Variants in RNF144B observed in about 807,000 individuals in gnomAD.
RNF144B encodes ring finger protein 144B.
Under a neutral mutation model 40.2 loss-of-function variants are expected in RNF144B, and 25 were observed. That is an observed-to-expected ratio of 0.62 (90% confidence interval 0.45 to 0.87). RNF144B has a LOEUF of 0.87. Ranked by LOEUF, RNF144B falls within the 40% of genes least tolerant of loss-of-function variation. RNF144B has a pLI of 0.00. For synonymous variants in RNF144B, 145 were observed against 136.3 expected (o/e 1.06, Z -0.44); for missense variants, 365 against 373.7 (o/e 0.98, Z 0.19).
intron 3 of RNF144B, among the ~76,000 whole-genome samples, chr6:18,437,318 A>G (rs1218107827): frequency 6.6e-6 from 1 of 152,152 alleles, no homozygotes. Context: ...GCATGCCTGT[A>G]GTCTCAGCTA....
chr6:18,447,916 C>T lies in RNF144B; in HGVS notation c.331+8172C>T, dbSNP rs1315038542. 6.6e-6 allele frequency among the ~76,000 whole-genome samples: 1 copy of T among 152,046 alleles called. No individual in the cohort carries two copies. The highest frequency in any genetic ancestry group is 1.5e-5 in the Non-Finnish European group (1 of 67,986). ...CAAAGGATGGCCAGAAATATGAATC[C>T]AGAAGGTGGGTGAAGACAGTGTTTA... On this transcript the variant is annotated intron_variant, in intron 4 of 7. Transcript: ENST00000259939. This position sits in a 1 kb window ranked among gnomAD's most constrained non-coding sequence, Gnocchi z 5.6.
At position 18,447,544 on chromosome 6, in the gene RNF144B, A is replaced by C. The variant is rs1156285413; in HGVS notation, c.331+7800A>C. Reference sequence around the variant, plus strand: ...TCGCTGCTGCAGAAGAGTGGATGGTAATGGAATGACATGGCAGCAGGGAGA... The same window carrying C: ...TCGCTGCTGCAGAAGAGTGGATGGTCATGGAATGACATGGCAGCAGGGAGA... On this transcript the variant is annotated intron_variant, in intron 4 of 7. Transcript: ENST00000259939. The surrounding 1 kb of genome is among the most constrained non-coding windows in gnomAD (Gnocchi z 5.6). 6.6e-6 allele frequency among the ~76,000 whole-genome samples: 1 copy of C among 152,134 alleles called. No individual in the cohort carries two copies. The highest frequency in any genetic ancestry group is 1.5e-5 in the Non-Finnish European group (1 of 68,028).
chr6:18,396,431 G>A, intron 1 of RNF144B: 2 of 982,128 alleles, frequency 2.0e-6, no homozygotes, highest in Non-Finnish European at 2.4e-6. Flanking sequence ...ATAATATAGA[G>A]TAAGACTGAG....
intron 3 of RNF144B, among the ~76,000 whole-genome samples, chr6:18,437,132 T>C (rs1402888274): frequency 6.6e-6 from 1 of 152,134 alleles, no homozygotes; most frequent in African/African-American, 2.4e-5. Context: ...TGGTAAGCTG[T>C]CAACAAATAT....
At chr6:18,421,798 G>A (rs935110072) in intron 2 of RNF144B, among the ~76,000 whole-genome samples, 2 of 152,150 alleles carry the variant, frequency 1.3e-5, no homozygotes, top group African/African-American at 4.8e-5. Flanking sequence ...GAGGGCAGAC[G>A]GGCTGGGTGT....
chr6:18,454,707 T>C (rs1350377928), intron 4 of RNF144B, among the ~76,000 whole-genome samples: 1 of 152,120 alleles, frequency 6.6e-6, no homozygotes, highest in African/African-American at 2.4e-5. Flanking sequence ...TAAGGTCCTT[T>C]CTTTATAGTA....
chr6:18,430,502 CTCTCTT>C (rs1189496131), intron 3 of RNF144B, among the ~76,000 whole-genome samples: 5 of 151,938 alleles, frequency 3.3e-5, no homozygotes, highest in African/African-American at 1.2e-4. Flanking sequence ...CTCTCTCTCT[CTCTCTT>C]TTTTAAAACC....
At chr6:18,429,586 C>T (rs1435489855) in intron 3 of RNF144B, among the ~76,000 whole-genome samples, 5 of 134,874 alleles carry the variant, frequency 3.7e-5, no homozygotes, top group African/African-American at 1.2e-4. Context: ...AAGGTAATAT[C>T]GAGTATGTAA....
rs1420992671 is a variant in RNF144B at position 18,412,147 on chromosome 6, C to G, written c.165+12448C>G. On this transcript the variant is annotated intron_variant, in intron 2 of 7. Transcript: ENST00000259939. The surrounding 1 kb of genome is among the most constrained non-coding windows in gnomAD (Gnocchi z 4.2). ...GAATTGCCTAACCAAAATAGATGTA[C>G]ATTTTAAATCAGTATGTGTTACCAA... 6.6e-6 allele frequency among the ~76,000 whole-genome samples: 1 copy of G among 152,154 alleles called. No homozygotes were observed. Among genetic ancestry groups the G allele is most frequent in the Non-Finnish European group, 1.5e-5 (1 of 68,034 alleles).
At chr6:18,461,919 T>G (rs1759464237) in intron 6 of RNF144B, among the ~76,000 whole-genome samples, 1 of 152,146 alleles carries the variant, frequency 6.6e-6, no homozygotes, top group Non-Finnish European at 1.5e-5. Flanking sequence ...CTGCCTTGAT[T>G]CTCACCCCTG....
Position 18,444,785 on chromosome 6 carries a change from AG to A in RNF144B, c.331+5043del, listed in dbSNP as rs1759040968. ...ATGTATTGCGTGTCTATCCTATGCC[AG>A]GTGCCATTCCAATGCTTCTTCAAGC... On this transcript the variant is annotated intron_variant, in intron 4 of 7. Transcript: ENST00000259939. The surrounding 1 kb of genome is among the most constrained non-coding windows in gnomAD (Gnocchi z 4.3). 6.6e-6 allele frequency among the ~76,000 whole-genome samples: 1 copy of A among 152,200 alleles called. No individual in the cohort carries two copies. The highest frequency in any genetic ancestry group is 2.4e-5 in the African/African-American group (1 of 41,450).
intron 4 of RNF144B, among the ~76,000 whole-genome samples, chr6:18,454,109 G>A (rs1387477228): frequency 6.6e-6 from 1 of 152,170 alleles, no homozygotes; most frequent in Non-Finnish European, 1.5e-5. Context: ...CTGCAAGATT[G>A]TTTTGATGAT....
rs7452358 is a variant in RNF144B, at chr6:18,448,290, T to C, written c.331+8546T>C. 0.12 allele frequency among the ~76,000 whole-genome samples: 18,963 copies of C among 151,784 alleles called. 1,356 individuals are homozygous for C. The highest frequency in any genetic ancestry group is 0.19 in the Admixed American group (2,948 of 15,250). Reference sequence around the variant, plus strand: ...GGATTTCAGTGCCAGATGGAGGGATTGGATTTACTTGGGGGTAGGTTTAGG... The same window carrying C: ...GGATTTCAGTGCCAGATGGAGGGATCGGATTTACTTGGGGGTAGGTTTAGG... On this transcript the variant is annotated intron_variant, in intron 4 of 7. Transcript: ENST00000259939. The surrounding 1 kb of genome is among the most constrained non-coding windows in gnomAD (Gnocchi z 4.0).
At chr6:18,389,802 T>C (rs1161387906) in intron 1 of RNF144B, among the ~76,000 whole-genome samples, 4 of 152,204 alleles carry the variant, frequency 2.6e-5, no homozygotes, top group African/African-American at 9.7e-5. Context: ...CTTTGGGGAA[T>C]AGGTATCTGT....
Position 18,463,354 on chromosome 6 carries a change from G to A in RNF144B, c.745G>A (p.Ala249Thr). ...PCRNKLGHSR[A>T]SVMWNRTQVV... ...CAGGAATAAACTTGGCCACTCAAGAGCATCAGTGATGTGGAACCGAACACA... is the reference window on the plus strand; with the variant it reads ...CAGGAATAAACTTGGCCACTCAAGAACATCAGTGATGTGGAACCGAACACA... The change falls in exon 7 of 8, where the codon GCA becomes ACA. Residue 249 changes from alanine to threonine, a missense_variant. By Grantham distance (58) the Ala-to-Thr change is moderately conservative. Transcript: ENST00000259939. 2 of 1,610,680 alleles carry A rather than the reference G, an allele frequency of 1.2e-6. No homozygotes were observed. Among genetic ancestry groups the A allele is most frequent in the Non-Finnish European group, 1.7e-6 (2 of 1,176,862 alleles).
intron 2 of RNF144B, among the ~76,000 whole-genome samples, chr6:18,411,062 G>C (rs1370779279): frequency 6.7e-6 from 1 of 149,640 alleles, no homozygotes; most frequent in Non-Finnish European, 1.5e-5. Flanking sequence ...TCTGCTCACT[G>C]CAACCTCCGC....
chr6:18,429,405 A>T (rs536769463), intron 3 of RNF144B, among the ~76,000 whole-genome samples: 19 of 152,338 alleles, frequency 1.2e-4, no homozygotes, highest in Non-Finnish European at 2.5e-4. Context: ...TGAAGCAGTC[A>T]GAAAGTTAGT....
intron 1 of RNF144B, among the ~76,000 whole-genome samples, chr6:18,397,148 G>A (rs1794708621): frequency 1.3e-5 from 2 of 152,160 alleles, no homozygotes; most frequent in African/African-American, 4.8e-5. Context: ...TGACTTTCTG[G>A]TATGACATTA....
chr6:18,397,014 C>T (rs1204551185), intron 1 of RNF144B, among the ~76,000 whole-genome samples: 2 of 152,130 alleles, frequency 1.3e-5, no homozygotes, highest in African/African-American at 4.8e-5. Context: ...ACCATGTCTT[C>T]CACATGGAAA....
Sources: allele counts gnomAD v4.1 joint callset (sites outside exome capture counted in the v4.1 genomes callset), GRCh38; gene constraint gnomAD v4.1.1; non-coding constraint Gnocchi (gnomAD v3.1); transcripts MANE v1.5; gene names NCBI Gene and HGNC (gene_info 2026-07-23, HGNC 2026-07-21).